PDE5A: variants seen among roughly 807,000 people sequenced by gnomAD.
PDE5A encodes the protein phosphodiesterase 5A, also known as cGMP-specific 3',5'-cyclic phosphodiesterase.
Under a neutral mutation model 110.2 loss-of-function variants are expected in PDE5A, and 67 were observed. The ratio of observed to expected loss-of-function variants is 0.61; its 90% CI spans 0.50 to 0.75. The LOEUF (loss-of-function observed/expected upper bound fraction) is 0.75. PDE5A is among the 30% of genes least tolerant of loss of function. The pLI is 0.00. For synonymous variants in PDE5A, 328 were observed against 351.2 expected, an observed-to-expected ratio of 0.93 and a Z score of 0.74; for missense variants, 862 against 1,045.1, an observed-to-expected ratio of 0.82 and a Z score of 2.42.
At chr4:119,551,198 A>G (rs750380821) in intron 9 of PDE5A, among the ~76,000 whole-genome samples, 3 of 152,218 alleles carry the variant, frequency 2.0e-5, no homozygotes, top group Non-Finnish European at 2.9e-5. Flanking sequence ...AATAGTATCA[A>G]TGTTCAAAAA....
chr4:119,501,188 G>A lies in PDE5A; in HGVS notation c.2472C>T (p.Ile824=), dbSNP rs758685968. ...PSMQVGFIDA[I]CLQLYEALTH... Reference sequence around the variant, plus strand: ...TAAATACCTCATACAGTTGCAAGCAGATGGCATCTATGAACCCAACTTGCA... The same window carrying A: ...TAAATACCTCATACAGTTGCAAGCAAATGGCATCTATGAACCCAACTTGCA... Residue 824 remains isoleucine, a synonymous_variant, in exon 20 of 21, where the codon ATC becomes ATT. Coordinates refer to ENST00000354960, the MANE Select transcript of PDE5A (RefSeq NM_001083.4). 3 of 1,608,774 alleles carry A rather than the reference G, an allele frequency of 1.9e-6. No homozygotes were observed. The highest frequency in any genetic ancestry group is 2.6e-6 in the Non-Finnish European group (3 of 1,175,494).
intron 14 of PDE5A, among the ~76,000 whole-genome samples, chr4:119,518,440 A>G (rs1373847282): frequency 1.3e-5 from 2 of 152,256 alleles, no homozygotes; most frequent in African/African-American, 4.8e-5. Flanking sequence ...AACTCAGTCA[A>G]TGAGCAGACA....
chr4:119,558,576 G>C (rs1727620974), intron 7 of PDE5A, among the ~76,000 whole-genome samples: 1 of 151,916 alleles, frequency 6.6e-6, no homozygotes, highest in Non-Finnish European at 1.5e-5. Context: ...TATTAGTTTT[G>C]CCCTTTTTCA....
chr4:119,525,412 A>G lies in PDE5A; in HGVS notation c.1779+137T>C, dbSNP rs772245446. The G allele has an allele frequency of 1.4e-6, 1 of 712,810 alleles. No individual in the cohort carries two copies. Among genetic ancestry groups the G allele is most frequent in the Non-Finnish European group, 2.2e-6 (1 of 456,338 alleles). 44.2% of individuals were successfully genotyped at this position (712,810 alleles called of 1,614,324 possible). A position where few individuals can be genotyped will look rare whatever the true frequency, so the allele number is the denominator to read the frequency against. On this transcript the variant is annotated intron_variant, in intron 12 of 20. Transcript: ENST00000354960. This position sits in a 1 kb window ranked among gnomAD's most constrained non-coding sequence, Gnocchi z 4.3. The stretch of plus-strand genomic sequence containing the variant: ...TAATTTTTCTTTAAAAGTCTCGGGT[A>G]TATATTAGGTGACAGTATATTAATC...
chr4:119,614,878 CCT>C (rs2110557919), intron 1 of PDE5A, among the ~76,000 whole-genome samples: 1 of 152,126 alleles, frequency 6.6e-6, no homozygotes, highest in East Asian at 1.9e-4. Flanking sequence ...ATTTTCTTCC[CCT>C]GAGTTTCCAT....
chr4:119,578,910 A>C (rs926649480), intron 3 of PDE5A, among the ~76,000 whole-genome samples: 69 of 152,330 alleles, frequency 4.5e-4, no homozygotes, highest in African/African-American at 1.5e-3. Context: ...CAACCTACAA[A>C]ATGGGAGACA....
At chr4:119,506,177 A>T (rs903797805) in intron 16 of PDE5A, among the ~76,000 whole-genome samples, 5 of 151,910 alleles carry the variant, frequency 3.3e-5, no homozygotes, top group African/African-American at 1.2e-4. Flanking sequence ...AAATTATGGT[A>T]ATTTCAATTC....
chr4:119,536,973 G>A (rs989966847), intron 11 of PDE5A, among the ~76,000 whole-genome samples: 2 of 152,102 alleles, frequency 1.3e-5, no homozygotes, highest in African/African-American at 4.8e-5. Flanking sequence ...CTTAAAACAC[G>A]CTCGGTATAC....
Position 119,519,035 on chromosome 4 carries a change from A to T in PDE5A, c.2000+10T>A. 2 of 1,592,450 alleles carry T rather than the reference A, an allele frequency of 1.3e-6. No homozygotes were observed. Among genetic ancestry groups the T allele is most frequent in the South Asian group, 1.1e-5 (1 of 89,942 alleles). On this transcript the variant is annotated intron_variant, in intron 14 of 20. Transcript: ENST00000354960. ...GAAAACATTTTCTTGCTTTACTGGG[A>T]AAGTCTTACCGCTGTATGTAAGAGT...
At chr4:119,593,208 C>A (rs1468331275) in intron 3 of PDE5A, among the ~76,000 whole-genome samples, 1 of 152,162 alleles carries the variant, frequency 6.6e-6, no homozygotes, top group Non-Finnish European at 1.5e-5. Flanking sequence ...TATGACTTAG[C>A]AACTGCCCTC....
intron 13 of PDE5A, chr4:119,519,676 T>TC (rs1310265973): frequency 6.6e-6 from 1 of 152,128 alleles, no homozygotes; most frequent in Non-Finnish European, 1.5e-5. Flanking sequence ...TTAATACTGT[T>TC]CCCCTTCATT....
chr4:119,606,649 C>A (rs1053901227), intron 2 of PDE5A, 60 bp downstream of exon 2: 2 of 1,217,460 alleles, frequency 1.6e-6, no homozygotes, highest in Non-Finnish European at 2.4e-6. Context: ...AGCCATAGTA[C>A]CCGCCCCAGC....
intron 1 of PDE5A, among the ~76,000 whole-genome samples, chr4:119,625,940 C>A (rs868346921): frequency 3.3e-5 from 5 of 152,140 alleles, no homozygotes; most frequent in African/African-American, 1.2e-4. Context: ...CACACAAATT[C>A]TTAGGTTATA....
rs765737746 is a variant in PDE5A at position 119,628,600 on chromosome 4, C to T, written c.72G>A (p.Gln24=). ...ATGCTTCGACCGAGTCCTGATCCCT[C>T]TGCTGCTGCTTCTGCTGCTGGGGCT... ...QQQPQQQKQQ[Q]RDQDSVEAWL... is the part of the protein sequence containing the mutation. The change falls in exon 1 of 21, where the codon CAG becomes CAA. Residue 24 remains glutamine (Q), a synonymous_variant. Coordinates refer to ENST00000354960, the MANE Select transcript of PDE5A (RefSeq NM_001083.4). 6.2e-7 allele frequency: 1 copy of T among 1,613,906 alleles called. No homozygotes were observed. Among genetic ancestry groups the T allele is most frequent in the East Asian group, 2.2e-5 (1 of 44,862 alleles).
chr4:119,501,292 T>TTTA lies in PDE5A; in HGVS notation c.2407-42_2407-40dup, dbSNP rs778490164. On this transcript the variant is annotated intron_variant, in intron 19 of 20. Transcript: ENST00000354960. ...TACAGACCAGACACACAGATGTGCA[T>TTTA]TTATTTATTTAGTTAGTTATTACTT... 12 of 1,157,752 alleles carry TTTA rather than the reference T, an allele frequency of 1.0e-5. No individual in the cohort carries two copies. In the East Asian group the frequency reaches 2.8e-4, roughly 27 times the overall value. 71.7% of individuals were successfully genotyped at this position (1,157,752 alleles called of 1,614,324 possible).
At chr4:119,584,051 G>T (rs149171915) in intron 3 of PDE5A, among the ~76,000 whole-genome samples, 2 of 152,170 alleles carry the variant, frequency 1.3e-5, no homozygotes, top group Non-Finnish European at 2.9e-5. Flanking sequence ...GAGATCTGGC[G>T]CACAAATGGG....
intron 12 of PDE5A, among the ~76,000 whole-genome samples, chr4:119,523,451 T>C (rs1290521267): frequency 6.6e-6 from 1 of 152,036 alleles, no homozygotes; most frequent in Non-Finnish European, 1.5e-5. Flanking sequence ...TATTTCATCA[T>C]CCTAAAATTA....
intron 14 of PDE5A, chr4:119,512,589 G>GTT (rs1219620810): frequency 3.9e-5 from 6 of 152,268 alleles, no homozygotes; most frequent in African/African-American, 1.4e-4. Context: ...TCTGAGAGCT[G>GTT]TTTAAGAGTA....
chr4:119,539,228 A>G (rs999673744), intron 10 of PDE5A: 1 of 480,176 alleles, frequency 2.1e-6, no homozygotes, highest in African/African-American at 1.9e-5. Flanking sequence ...TATACTCCCT[A>G]TGTTTAAAGA....
Sources: gnomAD v4.1 joint callset for allele counts (sites outside exome capture counted in the v4.1 genomes callset) on GRCh38, gnomAD v4.1.1 for gene constraint, Gnocchi (gnomAD v3.1) non-coding constraint, MANE v1.5 for transcripts, NCBI Gene and HGNC (gene_info 2026-07-23, HGNC 2026-07-21) for gene names.